The following MAN2B1 variants were observed in gnomAD, a reference collection of about 807,000 sequenced individuals.
MAN2B1 encodes lysosomal alpha-mannosidase.
A neutral mutation model predicts 127.5 loss-of-function variants in MAN2B1; 99 were observed. That is an observed-to-expected ratio of 0.78 (90% CI 0.66 to 0.92). The LOEUF is 0.92. MAN2B1 is among the 40% of genes least tolerant of loss of function. The pLI is 0.00. For synonymous variants in MAN2B1, 573 were observed against 568.8 expected, an observed-to-expected ratio of 1.01 and a Z score of -0.11; for missense variants, 1,304 against 1,384.8, an observed-to-expected ratio of 0.94 and a Z score of 0.93.
At chr19:12,658,863 C>CTTT in intron 7 of MAN2B1, 4 of 288,648 alleles carry the variant, frequency 1.4e-5, no homozygotes, top group East Asian at 9.1e-5. Context: ...AAAAACACAA[C>CTTT]TTTTTTTTTT....
Position 12,647,308 on chromosome 19 carries a change from G to T in MAN2B1, c.2848C>A (p.Arg950Ser). 6.2e-7 allele frequency: 1 copy of T among 1,614,090 alleles called. No individual in the cohort carries two copies. Among genetic ancestry groups the T allele is most frequent in the Non-Finnish European group, 8.5e-7 (1 of 1,179,984 alleles). ...GCCACCAGCGTGGTCTCCTGCAGGC[G>T]GGTGATGGTGAAGGTGGAGAACAGG... ...RDLFSTFTIT[R>S]LQETTLVANQ... Residue 950 changes from arginine to serine, a missense_variant, in exon 23 of 24, where the codon CGC becomes AGC. Transcript: ENST00000456935. The surrounding 1 kb of genome is among the most constrained non-coding windows in gnomAD (Gnocchi z 4.9).
intron 11 of MAN2B1, 47 bp from the exon 12 acceptor site, chr19:12,657,103 G>T: frequency 1.7e-6 from 2 of 1,154,058 alleles, no homozygotes; most frequent in South Asian, 1.3e-5. Context: ...CGCCAGGCCT[G>T]ACTCCTCCCC....
At chr19:12,657,380 T>C in intron 11 of MAN2B1, 66 bp downstream of exon 11, 1 of 1,398,314 alleles carries the variant, frequency 7.2e-7, no homozygotes, top group Non-Finnish European at 9.8e-7. Flanking sequence ...CTGTCCCCTT[T>C]CCCAGGCCCT....
At chr19:12,653,143 TG>T (rs1461640448) in intron 14 of MAN2B1, among the ~76,000 whole-genome samples, 89 of 123,294 alleles carry the variant, frequency 7.2e-4, no homozygotes, top group Non-Finnish European at 1.1e-3. Context: ...CTGGGTTTTT[TG>T]TTTTTTTTTT....
rs142702682 is a variant in MAN2B1, at chr19:12,649,171, C to T, written c.2401G>A (p.Gly801Ser). 1 of 1,612,658 alleles carries T rather than the reference C, an allele frequency of 6.2e-7. No homozygotes were observed. The highest frequency in any genetic ancestry group is 1.1e-5 in the South Asian group (1 of 91,006). Reference sequence around the variant, plus strand: ...AGCGAGCCATCTCTCAGGCTGCTGCCCCCCTGGGAGCGGTCAGTCAGCACA... The same window carrying T: ...AGCGAGCCATCTCTCAGGCTGCTGCTCCCCTGGGAGCGGTCAGTCAGCACA... ...LTVLTDRSQG[G>S]SSLRDGSLEL... The change falls in exon 20 of 24, where the codon GGC (glycine) becomes AGC (serine). Residue 801 changes from glycine (G) to serine (S), a missense_variant. Transcript: ENST00000456935.
At position 12,647,042 on chromosome 19, in the gene MAN2B1, A is replaced by G. The variant is rs2023704434; in HGVS notation, c.2923+191T>C. The G allele has an allele frequency of 4.8e-6, 3 of 619,768 alleles. No individual in the cohort carries two copies. The highest frequency in any genetic ancestry group is 8.6e-6 in the Non-Finnish European group (3 of 349,320). 38.4% of individuals were successfully genotyped at this position (619,768 alleles called of 1,614,324 possible). ...TCTTGGGACTAAACAGCACCCACAAACCTCAAGACCCATTCCTGGTTTGCC... is the reference window on the plus strand; with the variant it reads ...TCTTGGGACTAAACAGCACCCACAAGCCTCAAGACCCATTCCTGGTTTGCC... On this transcript the variant is annotated intron_variant, in intron 23 of 23. Coordinates refer to ENST00000456935, the MANE Select transcript of MAN2B1 (RefSeq NM_000528.4). This position sits in a 1 kb window ranked among gnomAD's most constrained non-coding sequence, Gnocchi z 4.9.
chr19:12,647,867 C>T lies in MAN2B1; in HGVS notation c.2665-269G>A, dbSNP rs1474124455. Reference sequence around the variant, plus strand: ...TTGGGAGTTACGGCGGGGCTGAAGCCGCGGGGCTGGGTGAGGCAGGACAGA... The same window carrying T: ...TTGGGAGTTACGGCGGGGCTGAAGCTGCGGGGCTGGGTGAGGCAGGACAGA... On this transcript the variant is annotated intron_variant, in intron 21 of 23. Transcript: ENST00000456935. The surrounding 1 kb of genome is among the most constrained non-coding windows in gnomAD (Gnocchi z 4.9). Among the ~76,000 whole-genome samples, 2 of 143,472 alleles carry T rather than the reference C, an allele frequency of 1.4e-5. No homozygotes were observed. Among genetic ancestry groups the T allele is most frequent in the East Asian group, 2.1e-4 (1 of 4,830 alleles). The allele number at this position is 143,472 out of a possible 152,430, so 94.1% of individuals were successfully genotyped here.
chr19:12,666,361 C>T (rs1356812899), intron 1 of MAN2B1, among the ~76,000 whole-genome samples, 182 bp downstream of exon 1: 1 of 152,190 alleles, frequency 6.6e-6, no homozygotes, highest in African/African-American at 2.4e-5. Context: ...CAATCAGACA[C>T]AGTCCTATAC....
intron 1 of MAN2B1, among the ~76,000 whole-genome samples, chr19:12,666,052 A>G (rs576536806): frequency 2.0e-5 from 3 of 152,158 alleles, no homozygotes; most frequent in Non-Finnish European, 4.4e-5. Context: ...GAAGTAGCTG[A>G]TGTTTGTTCA....
At chr19:12,652,035 C>G in intron 16 of MAN2B1, 118 bp downstream of exon 16, 2 of 817,516 alleles carry the variant, frequency 2.4e-6, no homozygotes, top group South Asian at 2.7e-5. Context: ...TCTTAGCCCA[C>G]TGATCTGAAG....
In MAN2B1 at chr19:12,649,233, G is replaced by C. The variant is rs2023776596; in HGVS notation, c.2356-17C>G. ...GTTTCCATCCTGGGAGTTGAAGGGT[G>C]AAAGTAGAGGGCAGTCAACCCCAAC... On this transcript the variant is annotated splice_polypyrimidine_tract_variant and intron_variant, in intron 19 of 23. Transcript: ENST00000456935. The C allele has an allele frequency of 3.1e-6, 5 of 1,612,706 alleles. No individual in the cohort carries two copies. The Admixed American group carries it at 5.0e-5, about 16-fold the overall frequency.
At chr19:12,656,812 G>T in intron 12 of MAN2B1, 125 bp from the exon 13 acceptor site, 1 of 1,027,224 alleles carries the variant, frequency 9.7e-7, no homozygotes, top group Non-Finnish European at 1.5e-6. Flanking sequence ...AAGCCCCCTC[G>T]AGATGCGTTG....
Position 12,647,717 on chromosome 19 carries a change from G to T in MAN2B1, c.2665-119C>A, listed in dbSNP as rs150184949. The T allele has an allele frequency of 2.8e-3, 2,290 of 820,998 alleles. 36 individuals carry two copies. In the African/African-American group the frequency reaches 0.032, roughly 11 times the overall value. 50.9% of individuals were successfully genotyped at this position (820,998 alleles called of 1,614,324 possible). The stretch of plus-strand genomic sequence containing the variant: ...TAGGGGCGGGGTTTCGCCGGAGAGG[G>T]GCAAGGCTCAGCCGAGAGGAGCGGC... On this transcript the variant is annotated intron_variant, in intron 21 of 23. Transcript: ENST00000456935. This position sits in a 1 kb window ranked among gnomAD's most constrained non-coding sequence, Gnocchi z 4.9.
At chr19:12,650,059 C>T (rs2023805560) in intron 17 of MAN2B1, 45 bp from the exon 18 acceptor site, 1 of 1,610,946 alleles carries the variant, frequency 6.2e-7, no homozygotes, top group African/African-American at 1.3e-5. Context: ...GGATAAACCC[C>T]TCTGCCCTTG....
In MAN2B1 at chr19:12,650,193, G is replaced by T. The variant is rs376110556; in HGVS notation, c.2076C>A (p.Asn692Lys). ...CCACCTGGGAACACCAAGCTGAGAA[G>T]TTCTGGTGCACCTCCTGCACCAAGG... ...KTPLVQEVHQ[N>K]FSAWCSQVVR... The change falls in exon 17 of 24, where the codon AAC becomes AAA. Residue 692 changes from asparagine (N) to lysine (K), a missense_variant. Coordinates refer to ENST00000456935, the MANE Select transcript of MAN2B1 (RefSeq NM_000528.4). 6.2e-7 allele frequency: 1 copy of T among 1,613,904 alleles called. No homozygotes were observed. Among genetic ancestry groups the T allele is most frequent in the Middle Eastern group, 1.6e-4 (1 of 6,062 alleles).
rs1384484306 is a variant in MAN2B1, at chr19:12,663,835, T to C, written c.631A>G (p.Met211Val). 3 of 1,614,132 alleles carry C rather than the reference T, an allele frequency of 1.9e-6. No homozygotes were observed. The South Asian group carries it at 3.3e-5, about 18-fold the overall frequency. The stretch of plus-strand genomic sequence containing the variant: ...CCAAAGAAGAAGCCGTCGAAGCCCA[T>C]CTGGGGATGAGGGAGGAAAAGGCAG... ...SREQASLFAQMGFDGFFFGRL... is the reference protein window; with the variant it reads ...SREQASLFAQVGFDGFFFGRL... The change falls in exon 5 of 24, where the codon ATG becomes GTG. Residue 211 changes from methionine (M) to valine (V), a missense_variant and splice_region_variant. By Grantham distance (21) the Met-to-Val change is conservative (BLOSUM62 1). Coordinates refer to ENST00000456935, the MANE Select transcript of MAN2B1 (RefSeq NM_000528.4).
In MAN2B1 at chr19:12,647,442, C is replaced by T. The variant is rs768734132; in HGVS notation, c.2820+1G>A. The T allele has an allele frequency of 2.5e-6, 4 of 1,614,064 alleles. No homozygotes were observed. Among genetic ancestry groups the T allele is most frequent in the African/African-American group, 1.3e-5 (1 of 74,938 alleles). ...CTCCTTCTCAATTTTGCCCTTCTCA[C>T]CCTCAAGTTCAAGGTAACGGGGGCG... On this transcript the variant is annotated splice_donor_variant, in intron 22 of 23. Transcript: ENST00000456935. LOFTEE classifies it high-confidence loss of function. The surrounding 1 kb of genome is among the most constrained non-coding windows in gnomAD (Gnocchi z 4.9).
In MAN2B1 at chr19:12,647,060, G is replaced by A. The variant is rs2023704752; in HGVS notation, c.2923+173C>T. The stretch of plus-strand genomic sequence containing the variant: ...CCCACAAACCTCAAGACCCATTCCT[G>A]GTTTGCCGCACCCATTTCAGATCCT... On this transcript the variant is annotated intron_variant, in intron 23 of 23. Transcript: ENST00000456935. This position sits in a 1 kb window ranked among gnomAD's most constrained non-coding sequence, Gnocchi z 4.9. 3.1e-6 allele frequency: 2 copies of A among 646,062 alleles called. No individual in the cohort carries two copies. The highest frequency in any genetic ancestry group is 3.7e-5 in the South Asian group (2 of 54,516). 40.0% of individuals were successfully genotyped at this position (646,062 alleles called of 1,614,324 possible).
chr19:12,658,006 A>G lies in MAN2B1; in HGVS notation c.1309+57T>C, dbSNP rs2024011916. 1.9e-5 allele frequency: 20 copies of G among 1,068,634 alleles called. No individual in the cohort carries two copies. The South Asian group carries it at 2.4e-4, about 13-fold the overall frequency. The allele number at this position is 1,068,634 out of a possible 1,614,324, so 66.2% of individuals were successfully genotyped here. ...AGAAGAAACTCGAGGGGGGCGGCCT[A>G]GGGGTGGTTTCCAACTTCAGCCGCA... On this transcript the variant is annotated intron_variant, in intron 10 of 23. Coordinates refer to ENST00000456935, the MANE Select transcript of MAN2B1 (RefSeq NM_000528.4).
Sources: allele counts gnomAD v4.1 joint callset (sites outside exome capture counted in the v4.1 genomes callset), GRCh38; gene constraint gnomAD v4.1.1; non-coding constraint Gnocchi (gnomAD v3.1); transcripts MANE v1.5; gene names NCBI Gene and HGNC (gene_info 2026-07-23, HGNC 2026-07-21).